TMEM161B: variants seen among roughly 807,000 people sequenced by gnomAD.
TMEM161B encodes the protein transmembrane protein 161B.
Under a neutral mutation model 61.8 loss-of-function variants are expected in TMEM161B, and 34 were observed. The observed-to-expected ratio is 0.55, with a 90% CI of 0.42 to 0.73. The LOEUF (loss-of-function observed/expected upper bound fraction) is 0.73. Ranked by LOEUF, TMEM161B falls within the 30% of genes least tolerant of loss-of-function variation. TMEM161B has a pLI of 0.00. For synonymous variants in TMEM161B, 167 were observed against 192.8 expected, an observed-to-expected ratio of 0.87 and a Z score of 1.11; for missense variants, 456 against 558.5, an observed-to-expected ratio of 0.82 and a Z score of 1.85.
intron 1 of TMEM161B, among the ~76,000 whole-genome samples, chr5:88,244,370 A>C (rs1235598072): frequency 6.6e-6 from 1 of 151,886 alleles, no homozygotes; most frequent in Non-Finnish European, 1.5e-5. Context: ...CAGTTATCCC[A>C]GTACGATTTA....
downstream of TMEM161B, among the ~76,000 whole-genome samples, chr5:88,192,613 G>A (rs1293676361): frequency 6.6e-6 from 1 of 152,114 alleles, no homozygotes; most frequent in Non-Finnish European, 1.5e-5. Flanking sequence ...AAGATGAGAT[G>A]GTACAAGTAT....
intron 10 of TMEM161B, chr5:88,197,990 T>C (rs970404202): frequency 2.7e-6 from 1 of 365,126 alleles, no homozygotes; most frequent in Non-Finnish European, 5.0e-6. Flanking sequence ...AATAGATTCC[T>C]TAAAAATAAT....
intron 1 of TMEM161B, among the ~76,000 whole-genome samples, chr5:88,261,989 CA>C (rs1755753228): frequency 6.6e-6 from 1 of 152,010 alleles, no homozygotes; most frequent in Admixed American, 6.6e-5. Context: ...AATGAGAAAA[CA>C]AACCAGACCA....
At chr5:88,249,322 C>T (rs1438468987) in intron 1 of TMEM161B, among the ~76,000 whole-genome samples, 2 of 152,096 alleles carry the variant, frequency 1.3e-5, no homozygotes, top group African/African-American at 2.4e-5. Context: ...AGCTACTGAG[C>T]TTCAGTGCTG....
rs371478560 is a variant in TMEM161B at position 88,207,321 on chromosome 5, A to G, written c.447-141T>C. The G allele has an allele frequency of 3.2e-4, 248 of 766,798 alleles. 1 individual carries two copies. In the African/African-American group the frequency reaches 4.0e-3, roughly 12 times the overall value. 47.5% of individuals were successfully genotyped at this position (766,798 alleles called of 1,614,324 possible). A position where few individuals can be genotyped will look rare whatever the true frequency, so the allele number is the denominator to read the frequency against. ...GTTTAAAACACTTTTAAATTAAGGAAAAGAGCACCCATATACTAAGTTGTA... is the reference window on the plus strand; with the variant it reads ...GTTTAAAACACTTTTAAATTAAGGAGAAGAGCACCCATATACTAAGTTGTA... On this transcript the variant is annotated intron_variant, in intron 5 of 11. Transcript: ENST00000296595.
intron 2 of TMEM161B, among the ~76,000 whole-genome samples, chr5:88,231,991 T>C (rs1220846594): frequency 6.6e-6 from 1 of 152,190 alleles, no homozygotes; most frequent in South Asian, 2.1e-4. Context: ...AATCATTAAG[T>C]ATAGCATTTT....
At chr5:88,211,614 C>T (rs895477013) in intron 5 of TMEM161B, among the ~76,000 whole-genome samples, 8 of 151,522 alleles carry the variant, frequency 5.3e-5, no homozygotes, top group South Asian at 2.1e-4. Context: ...AAAAATTAGC[C>T]GGGCGTGGCG....
At chr5:88,252,654 C>T (rs956412193) in intron 1 of TMEM161B, among the ~76,000 whole-genome samples, 5 of 152,168 alleles carry the variant, frequency 3.3e-5, no homozygotes, top group East Asian at 1.9e-4. Flanking sequence ...GAACCACTGA[C>T]GGGAAAAGGT....
chr5:88,206,456 C>T lies in TMEM161B; in HGVS notation c.642G>A (p.Lys214=), dbSNP rs765251691. Residue 214 remains lysine (K), a synonymous_variant, in exon 7 of 12, where the codon AAG becomes AAA. Transcript: ENST00000296595. ...FSDSAMQFLE[K]QGLESQSPVS... ...AAACTTACTGAGATTCTAAACCTTG[C>T]TTTTCAAGAAACTGCATCGCACTGT... 5.6e-6 allele frequency: 9 copies of T among 1,600,078 alleles called. No homozygotes were observed. Among genetic ancestry groups the T allele is most frequent in the South Asian group, 4.5e-5 (4 of 88,362 alleles).
chr5:88,203,231 T>C (rs1034162179), intron 8 of TMEM161B, among the ~76,000 whole-genome samples, 156 bp from the exon 9 acceptor site: 2 of 152,166 alleles, frequency 1.3e-5, no homozygotes, highest in Non-Finnish European at 2.9e-5. Flanking sequence ...TTTATCATTA[T>C]GATTTAACAC....
intron 2 of TMEM161B, among the ~76,000 whole-genome samples, chr5:88,235,076 T>C (rs1476800191): frequency 6.6e-6 from 1 of 152,218 alleles, no homozygotes; most frequent in Non-Finnish European, 1.5e-5. Context: ...TGATCATTCT[T>C]ATATAAACCT....
intron 1 of TMEM161B, among the ~76,000 whole-genome samples, chr5:88,267,342 A>T (rs1756522944): frequency 6.6e-6 from 1 of 152,034 alleles, no homozygotes; most frequent in Non-Finnish European, 1.5e-5. Flanking sequence ...TTATTCACTG[A>T]GGCTTAAAAA....
chr5:88,193,661 T>A (rs895682133), downstream of TMEM161B, among the ~76,000 whole-genome samples: 6 of 152,214 alleles, frequency 3.9e-5, no homozygotes, highest in Admixed American at 1.3e-4. Flanking sequence ...ATGAATTCTA[T>A]GTCTTTTACA....
rs1450469672 is a variant in TMEM161B at position 88,240,906 on chromosome 5, C to G, written c.14G>C (p.Gly5Ala). MGVIGIQLVVTMVMA... is the reference protein window; with the variant it reads MGVIAIQLVVTMVMA... ...CACCATGGTAACAACCAGCTGTATA[C>G]CTATCACACCCTGTGTAAAAAAAAC... The change falls in exon 2 of 12, where the codon GGT (glycine) becomes GCT (alanine). Residue 5 changes from glycine to alanine, a missense_variant. Gly to Ala is a moderately conservative substitution (Grantham distance 60, BLOSUM62 0). Around this residue, in one of 3 missense-constraint regions of TMEM161B, gnomAD observed 85 missense variants for 111.2 expected, o/e 0.76. Coordinates refer to ENST00000296595, the MANE Select transcript of TMEM161B (RefSeq NM_153354.5). The G allele has an allele frequency of 6.4e-7, 1 of 1,559,708 alleles. No individual in the cohort carries two copies. Among genetic ancestry groups the G allele is most frequent in the Admixed American group, 2.0e-5 (1 of 51,028 alleles).
chr5:88,215,421 T>C (rs1163103152), intron 5 of TMEM161B, among the ~76,000 whole-genome samples: 1 of 152,174 alleles, frequency 6.6e-6, no homozygotes, highest in Non-Finnish European at 1.5e-5. Flanking sequence ...TTAAACTGGA[T>C]ATCTGGAATT....
intron 1 of TMEM161B, among the ~76,000 whole-genome samples, chr5:88,243,764 T>A (rs2112674975): frequency 6.6e-6 from 1 of 151,990 alleles, no homozygotes; most frequent in East Asian, 1.9e-4. Context: ...TCTGCTATTT[T>A]TGACTTTTTA....
intron 1 of TMEM161B, among the ~76,000 whole-genome samples, chr5:88,242,516 C>T (rs1030148586): frequency 6.2e-5 from 9 of 144,926 alleles, no homozygotes; most frequent in African/African-American, 2.2e-4. Context: ...AAACAGTATG[C>T]CTATTGGTTT....
downstream of TMEM161B, among the ~76,000 whole-genome samples, chr5:88,185,635 T>C (rs1231292445): frequency 6.6e-6 from 1 of 152,216 alleles, no homozygotes; most frequent in Non-Finnish European, 1.5e-5. Context: ...AAACGTATTT[T>C]TAAAGACTCA....
chr5:88,195,548 A>T lies in TMEM161B; in HGVS notation c.*663T>A. On this transcript the variant is annotated 3_prime_UTR_variant, in exon 12 of 12. Coordinates refer to ENST00000296595, the MANE Select transcript of TMEM161B (RefSeq NM_153354.5). ...CAAGATTACAAATGTTCATATGGCC[A>T]ATCATTTTAAAAGAACTCTCAAGTT... 1.0e-6 allele frequency: 1 copy of T among 985,490 alleles called. No individual in the cohort carries two copies. The highest frequency in any genetic ancestry group is 4.7e-5 in the South Asian group (1 of 21,290). The allele number at this position is 985,490 out of a possible 1,614,324, so 61.0% of individuals were successfully genotyped here.
Sources: gnomAD v4.1 joint callset for allele counts (sites outside exome capture counted in the v4.1 genomes callset) on GRCh38, gnomAD v4.1.1 for gene constraint, gnomAD v4.1.1 regional missense constraint, MANE v1.5 for transcripts, NCBI Gene and HGNC (gene_info 2026-07-23, HGNC 2026-07-21) for gene names.